Variants in DIS3L2 observed in about 807,000 individuals in gnomAD.
DIS3L2 encodes the protein DIS3 like 3'-5' exoribonuclease 2, also known as DIS3-like exonuclease 2.
DIS3L2 carries 34 observed loss-of-function variants against 97.5 expected under a neutral mutation model. The observed-to-expected ratio is 0.35, with a 90% CI of 0.27 to 0.46. The LOEUF (loss-of-function observed/expected upper bound fraction) is 0.46, where lower values mean the gene tolerates loss of function less well. Ranked by LOEUF, DIS3L2 falls within the 20% of genes least tolerant of loss-of-function variation. The pLI, the probability that DIS3L2 is intolerant of heterozygous loss-of-function variation, is 1.00. For synonymous variants in DIS3L2, 435 were observed against 445.2 expected (o/e 0.98, Z 0.29); for missense variants, 1,038 against 1,146.0 (o/e 0.91, Z 1.36).
intron 6 of DIS3L2, among the ~76,000 whole-genome samples, chr2:232,107,423 G>A (rs1263842981): frequency 6.6e-6 from 1 of 152,120 alleles, no homozygotes; most frequent in Non-Finnish European, 1.5e-5. Context: ...GGGTAGGCTG[G>A]GCGCAGTGGC....
intron 1 of DIS3L2, among the ~76,000 whole-genome samples, chr2:231,997,053 A>C (rs1693751025): frequency 6.6e-6 from 1 of 152,162 alleles, no homozygotes; most frequent in African/African-American, 2.4e-5. Context: ...CTAGATTGTA[A>C]GCGCCATGAG....
In DIS3L2 at chr2:232,158,612, C is replaced by T. The variant is rs371454126; in HGVS notation, c.951-4847C>T. 3.3e-5 allele frequency among the ~76,000 whole-genome samples: 5 copies of T among 152,282 alleles called. No individual in the cohort carries two copies. The East Asian group carries it at 9.6e-4, about 29-fold the overall frequency. Reference sequence around the variant, plus strand: ...TTTGTTTCTCCCCCTTTTTCTGGCTCTCGAAGCTTCTCACTGTTTCTGTGA... The same window carrying T: ...TTTGTTTCTCCCCCTTTTTCTGGCTTTCGAAGCTTCTCACTGTTTCTGTGA... On this transcript the variant is annotated intron_variant, in intron 8 of 20. Transcript: ENST00000325385.
intron 9 of DIS3L2, 41 bp downstream of exon 9, chr2:232,163,673 C>T (rs1279495200): frequency 6.3e-7 from 1 of 1,586,914 alleles, no homozygotes; most frequent in East Asian, 2.3e-5. Flanking sequence ...ATCTCCCTTT[C>T]TGCCTTAACT....
chr2:232,014,876 A>G lies in DIS3L2; in HGVS notation c.-52A>G, dbSNP rs750961522. 457 of 1,600,784 alleles carry G rather than the reference A, an allele frequency of 2.9e-4. 1 individual carries two copies. The highest frequency in any genetic ancestry group is 3.8e-4 in the Non-Finnish European group (439 of 1,169,696). On this transcript the variant is annotated 5_prime_UTR_variant, in exon 2 of 21. An upstream open reading frame in the 5' UTR loses its in-frame stop. Transcript: ENST00000325385. ...TGCTCAAGGCGGGAACTCTGAGCTA[A>G]GCAGTGGAGGTTTCTCTGGATCTGG...
intron 6 of DIS3L2, among the ~76,000 whole-genome samples, chr2:232,089,348 A>G (rs1257804439): frequency 1.3e-5 from 2 of 152,176 alleles, no homozygotes; most frequent in African/African-American, 4.8e-5. Context: ...CGTTTAGGTA[A>G]CTAGTGGTTT....
At chr2:232,071,616 A>G (rs574584699) in intron 5 of DIS3L2, among the ~76,000 whole-genome samples, 54 of 152,308 alleles carry the variant, frequency 3.5e-4, no homozygotes, top group Admixed American at 8.5e-4. Context: ...TGTATAATGG[A>G]AGGAAATGGC....
At chr2:232,087,452 TCAGTGA>T in intron 5 of DIS3L2, 29 bp from the exon 6 acceptor site, 1 of 1,505,072 alleles carries the variant, frequency 6.6e-7, no homozygotes. Flanking sequence ...TTTTCCTCTC[TCAGTGA>T]TTTAGCAGAA....
intron 3 of DIS3L2, among the ~76,000 whole-genome samples, chr2:232,020,828 A>G (rs1033800177): frequency 6.6e-6 from 1 of 152,162 alleles, no homozygotes; most frequent in Non-Finnish European, 1.5e-5. Context: ...GCTGATCGAT[A>G]TAAAGCTCTT....
At chr2:232,002,640 CT>C (rs1054052142) in intron 1 of DIS3L2, among the ~76,000 whole-genome samples, 2 of 151,714 alleles carry the variant, frequency 1.3e-5, no homozygotes, top group Non-Finnish European at 2.9e-5. Flanking sequence ...TTTTATGTTG[CT>C]TTTTTTTGAG....
At chr2:232,055,874 G>A (rs1240791299) in intron 5 of DIS3L2, among the ~76,000 whole-genome samples, 1 of 152,196 alleles carries the variant, frequency 6.6e-6, no homozygotes, top group African/African-American at 2.4e-5. Flanking sequence ...AGGAAAGAAT[G>A]CTCTTTTCAA....
In DIS3L2 at chr2:232,196,478, A is replaced by G. The variant is rs116573062; in HGVS notation, c.1125-13848A>G. Among the ~76,000 whole-genome samples, 1,392 of 152,242 alleles carry G rather than the reference A, an allele frequency of 9.1e-3. 19 individuals carry two copies. Among genetic ancestry groups the G allele is most frequent in the African/African-American group, 0.031 (1,306 of 41,530 alleles). On this transcript the variant is annotated intron_variant, in intron 9 of 20. Coordinates refer to ENST00000325385, the MANE Select transcript of DIS3L2 (RefSeq NM_152383.5). The stretch of plus-strand genomic sequence containing the variant: ...AACAATAGTATCTTTCCACATCATC[A>G]TCTTAATAAAAAACATTCATTTTGA...
chr2:232,333,819 C>G, intron 16 of DIS3L2, 21 bp from the exon 17 acceptor site: 1 of 1,600,578 alleles, frequency 6.2e-7, no homozygotes, highest in Non-Finnish European at 8.5e-7. Flanking sequence ...TTGTCAGGCT[C>G]TGACCCATCC....
At chr2:232,304,287 G>A (rs1694933160) in intron 14 of DIS3L2, among the ~76,000 whole-genome samples, 1 of 152,080 alleles carries the variant, frequency 6.6e-6, no homozygotes, top group Non-Finnish European at 1.5e-5. Context: ...ATAGGGCAAG[G>A]AACAAGACCT....
intron 6 of DIS3L2, among the ~76,000 whole-genome samples, chr2:232,129,299 A>T (rs1326751863): frequency 6.6e-6 from 1 of 152,192 alleles, no homozygotes; most frequent in Non-Finnish European, 1.5e-5. Context: ...TTCCTCAGTT[A>T]CTTTGTTCTG....
At chr2:231,976,726 TGTTAGCCTAAA>T (rs2106171821) in intron 1 of DIS3L2, among the ~76,000 whole-genome samples, 2 of 151,928 alleles carry the variant, frequency 1.3e-5, no homozygotes, top group African/African-American at 4.8e-5. Context: ...AGAACACTTA[TGTTAGCCTAAA>T]GTTTGGCAAA....
At chr2:232,126,466 C>A (rs987564826) in intron 6 of DIS3L2, among the ~76,000 whole-genome samples, 1 of 152,172 alleles carries the variant, frequency 6.6e-6, no homozygotes, top group Non-Finnish European at 1.5e-5. Flanking sequence ...TAGAAAACAC[C>A]CTTGACCTCT....
intron 10 of DIS3L2, among the ~76,000 whole-genome samples, chr2:232,235,007 G>A (rs983493808): frequency 2.6e-5 from 4 of 152,276 alleles, no homozygotes; most frequent in Non-Finnish European, 5.9e-5. Flanking sequence ...GCTTCAAAGA[G>A]ATGGTTTCTG....
At chr2:232,184,511 C>T (rs1010792845) in intron 9 of DIS3L2, among the ~76,000 whole-genome samples, 4 of 152,010 alleles carry the variant, frequency 2.6e-5, no homozygotes, top group Admixed American at 2.6e-4. Flanking sequence ...ATTAGCTGGG[C>T]GTGGTGGCAT....
At chr2:232,009,768 G>A (rs187993480) in intron 1 of DIS3L2, among the ~76,000 whole-genome samples, 191 of 152,208 alleles carry the variant, frequency 1.3e-3, no homozygotes, top group Admixed American at 2.2e-3. Context: ...AGACCAGCAG[G>A]AAAAAATAGA....
Sources: gnomAD v4.1 joint callset for allele counts (sites outside exome capture counted in the v4.1 genomes callset) on GRCh38, gnomAD v4.1.1 for gene constraint, MANE v1.5 for transcripts, NCBI Gene and HGNC (gene_info 2026-07-23, HGNC 2026-07-21) for gene names.